Variants in NCALD observed in about 807,000 individuals in gnomAD.
NCALD encodes the protein neurocalcin delta.
Under a neutral mutation model 18.6 loss-of-function variants are expected in NCALD, and 10 were observed. The observed-to-expected ratio is 0.54, with a 90% CI of 0.33 to 0.91. NCALD has a LOEUF of 0.91. Ranked by LOEUF, NCALD falls within the 40% of genes least tolerant of loss-of-function variation. NCALD has a pLI of 0.03. For missense variants in NCALD, 184 were observed against 247.6 expected (o/e 0.74, Z 1.72); for synonymous variants, 88 against 87.4 (o/e 1.01, Z -0.04).
At chr8:101,938,805 C>A (rs1412497397) in intron 2 of NCALD, among the ~76,000 whole-genome samples, 1 of 152,134 alleles carries the variant, frequency 6.6e-6, no homozygotes, top group Non-Finnish European at 1.5e-5. Flanking sequence ...GGGACATGAC[C>A]CCATGTATCC....
At chr8:101,782,647 A>C (rs1386840327) in intron 1 of NCALD, among the ~76,000 whole-genome samples, 1 of 152,142 alleles carries the variant, frequency 6.6e-6, no homozygotes, top group Non-Finnish European at 1.5e-5. Context: ...TGTCACTAGA[A>C]TGTTCTCATC....
At chr8:101,958,630 A>G (rs1011412479) in intron 2 of NCALD, among the ~76,000 whole-genome samples, 14 of 152,130 alleles carry the variant, frequency 9.2e-5, no homozygotes, top group African/African-American at 3.4e-4. Flanking sequence ...TCTCCTATCA[A>G]TCCTAAAAAA....
intron 1 of NCALD, among the ~76,000 whole-genome samples, chr8:101,737,418 G>A (rs1433435177): frequency 1.3e-5 from 2 of 152,102 alleles, no homozygotes; most frequent in African/African-American, 2.4e-5. Flanking sequence ...CTCCCCACCT[G>A]TTCAAGTCAT....
At chr8:101,938,111 G>A (rs538924101) in intron 2 of NCALD, among the ~76,000 whole-genome samples, 19 of 152,148 alleles carry the variant, frequency 1.2e-4, no homozygotes, top group South Asian at 2.1e-4. Flanking sequence ...CAAAAATTCC[G>A]ATAAACCTTC....
chr8:101,898,024 C>T lies in NCALD; in HGVS notation c.-106-10797G>A, dbSNP rs1036644876. Among the ~76,000 whole-genome samples the T allele has an allele frequency of 3.8e-4, 53 of 140,276 alleles. 2 individuals are homozygous for T. Among genetic ancestry groups the T allele is most frequent in the African/African-American group, 1.6e-3 (52 of 32,086 alleles). 92.0% of individuals were successfully genotyped at this position (140,276 alleles called of 152,430 possible). On this transcript the variant is annotated intron_variant, in intron 3 of 6. Coordinates refer to the NCALD transcript ENST00000311028. The stretch of plus-strand genomic sequence containing the variant: ...CTTCCCCCTTTGCTGAGCACATATT[C>T]TTCTCCTCGATGCCACCATGTGAAG...
intron 1 of NCALD, among the ~76,000 whole-genome samples, chr8:102,028,256 A>G (rs1378019681): frequency 1.3e-5 from 2 of 151,244 alleles, no homozygotes; most frequent in Non-Finnish European, 2.9e-5. Context: ...ACTTGAGTCT[A>G]TGTGTATATA....
intron 2 of NCALD, among the ~76,000 whole-genome samples, chr8:101,952,881 C>T (rs1819484863): frequency 6.6e-6 from 1 of 151,924 alleles, no homozygotes; most frequent in South Asian, 2.1e-4. Flanking sequence ...GCCACAAATG[C>T]AACTGACAGA....
upstream of NCALD, among the ~76,000 whole-genome samples, chr8:101,795,285 T>A (rs1009592293): frequency 6.6e-6 from 1 of 152,156 alleles, no homozygotes; most frequent in Non-Finnish European, 1.5e-5. Context: ...TGCCAGGGTC[T>A]CAGATAAAAG....
At position 101,719,495 on chromosome 8, in the gene NCALD, C is replaced by T; in HGVS notation, c.135G>A (p.Met45Ile). 1 of 1,614,190 alleles carries T rather than the reference C, an allele frequency of 6.2e-7. No homozygotes were observed. ...LRDCPSGHLS[M>I]EEFKKIYGNF... Reference sequence around the variant, plus strand: ...TCCCATATATTTTCTTAAACTCTTCCATTGACAAATGTCCACTGGGGCAGT... The same window carrying T: ...TCCCATATATTTTCTTAAACTCTTCTATTGACAAATGTCCACTGGGGCAGT... The change falls in exon 2 of 4, where the codon ATG (methionine) becomes ATA (isoleucine). Residue 45 changes from methionine to isoleucine, a missense_variant. Physicochemically the swap from Met to Ile is conservative, Grantham distance 10 (BLOSUM62 1). Coordinates refer to ENST00000220931, the MANE Select transcript of NCALD (RefSeq NM_032041.3).
At chr8:101,885,571 C>G (rs1349565249) in intron 4 of NCALD, among the ~76,000 whole-genome samples, 2 of 152,194 alleles carry the variant, frequency 1.3e-5, no homozygotes, top group East Asian at 3.9e-4. Flanking sequence ...CCAAATCATC[C>G]TCGTTTGGGT....
intron 2 of NCALD, among the ~76,000 whole-genome samples, chr8:101,702,201 T>A (rs191572866): frequency 1.9e-4 from 29 of 152,212 alleles, no homozygotes; most frequent in Non-Finnish European, 3.1e-4. Context: ...TGAACCACTT[T>A]GTGTACTGGT....
upstream of NCALD, among the ~76,000 whole-genome samples, chr8:101,793,156 C>G (rs1220939356): frequency 6.6e-6 from 1 of 152,064 alleles, no homozygotes; most frequent in African/African-American, 2.4e-5. Context: ...CAAGACCATC[C>G]TGGCTAACAC....
chr8:101,980,973 ATC>A (rs898214453), intron 2 of NCALD, among the ~76,000 whole-genome samples: 2 of 152,246 alleles, frequency 1.3e-5, no homozygotes, highest in East Asian at 1.9e-4. Context: ...TTCCACAACC[ATC>A]TCTCTCTTTT....
At chr8:101,698,631 A>T (rs1815114299) in intron 2 of NCALD, among the ~76,000 whole-genome samples, 1 of 152,204 alleles carries the variant, frequency 6.6e-6, no homozygotes, top group African/African-American at 2.4e-5. Context: ...AACACCACAC[A>T]TCTACAACCA....
At chr8:101,746,480 T>A (rs1463431608) in intron 1 of NCALD, among the ~76,000 whole-genome samples, 1 of 152,132 alleles carries the variant, frequency 6.6e-6, no homozygotes, top group Non-Finnish European at 1.5e-5. Context: ...GTGCCATAAT[T>A]TCATGTTCAC....
At chr8:101,871,431 C>G (rs143153036) in intron 4 of NCALD, among the ~76,000 whole-genome samples, 3 of 152,158 alleles carry the variant, frequency 2.0e-5, no homozygotes, top group Non-Finnish European at 4.4e-5. Context: ...TGGAACTCAT[C>G]GGCTTTGACA....
chr8:101,887,205 C>T (rs1277666308), exon 4 of NCALD: 1 of 152,080 alleles, frequency 6.6e-6, no homozygotes, highest in Non-Finnish European at 1.5e-5. Context: ...GATTTTAACA[C>T]CAGGAGATCA....
At chr8:101,906,532 G>A (rs930373008) in intron 3 of NCALD, among the ~76,000 whole-genome samples, 1 of 152,212 alleles carries the variant, frequency 6.6e-6, no homozygotes, top group Non-Finnish European at 1.5e-5. Context: ...AACTTTACCT[G>A]CAAAGCAGCC....
At chr8:101,785,223 G>A (rs531598910) in intron 1 of NCALD, among the ~76,000 whole-genome samples, 8 of 152,152 alleles carry the variant, frequency 5.3e-5, no homozygotes, top group Non-Finnish European at 1.0e-4. Context: ...CTAAGTGTTA[G>A]CTATTATTAT....
Sources: allele counts gnomAD v4.1 joint callset (sites outside exome capture counted in the v4.1 genomes callset), GRCh38; gene constraint gnomAD v4.1.1; transcripts MANE v1.5; gene names NCBI Gene and HGNC (gene_info 2026-07-23, HGNC 2026-07-21).